Variants in IMMP2L observed in about 807,000 individuals in gnomAD.
IMMP2L encodes mitochondrial inner membrane protease subunit 2.
Under a neutral mutation model 19.3 loss-of-function variants are expected in IMMP2L, and 18 were observed. The observed-to-expected ratio is 0.93, with a 90% CI of 0.64 to 1.38. IMMP2L has a LOEUF of 1.38. Ranked by LOEUF, IMMP2L falls within the 40% of genes most tolerant of loss-of-function variation. The probability of loss-of-function intolerance (pLI) is 0.00; values close to 1 mark genes in which losing one functional copy is unlikely to be tolerated. For missense variants in IMMP2L, 233 were observed against 218.2 expected, an observed-to-expected ratio of 1.07 and a Z score of -0.43; for synonymous variants, 76 against 73.0, an observed-to-expected ratio of 1.04 and a Z score of -0.21.
chr7:111,291,286 C>A (rs1423726958), intron 3 of IMMP2L, among the ~76,000 whole-genome samples: 1 of 152,168 alleles, frequency 6.6e-6, no homozygotes, highest in East Asian at 1.9e-4. Context: ...GCAGCAGCAG[C>A]TCCCATCATC....
Position 110,868,186 on chromosome 7 carries a change from C to T in IMMP2L, c.408+18407G>A, listed in dbSNP as rs553123744. Reference sequence around the variant, plus strand: ...CAGTGATACGGAGAGACAAGCATGACGTATTAGATGAGCAAGACTAACTAA... The same window carrying T: ...CAGTGATACGGAGAGACAAGCATGATGTATTAGATGAGCAAGACTAACTAA... On this transcript the variant is annotated intron_variant, in intron 5 of 5. Coordinates refer to ENST00000405709, the MANE Select transcript of IMMP2L (RefSeq NM_032549.4). Among the ~76,000 whole-genome samples, 8 of 142,444 alleles carry T rather than the reference C, an allele frequency of 5.6e-5. No individual in the cohort carries two copies. The South Asian group carries it at 7.4e-4, about 13-fold the overall frequency. The allele number at this position is 142,444 out of a possible 152,430, so 93.4% of individuals were successfully genotyped here. A position where few individuals can be genotyped will look rare whatever the true frequency, so the allele number is the denominator to read the frequency against.
rs570993820 is a variant in IMMP2L at position 111,488,297 on chromosome 7, T to G, written c.136-956A>C. Among the ~76,000 whole-genome samples the G allele has an allele frequency of 8.5e-5, 13 of 152,290 alleles. No individual in the cohort carries two copies. The South Asian group carries it at 2.5e-3, about 29-fold the overall frequency. On this transcript the variant is annotated intron_variant, in intron 2 of 5. Transcript: ENST00000405709. ...TGGTGCACCCATCACCCGAGCAACG[T>G]ACACTGTACCCAGTGTGTAGGCTTT...
At chr7:111,101,734 G>C (rs536482979) in intron 3 of IMMP2L, among the ~76,000 whole-genome samples, 1 of 151,510 alleles carries the variant, frequency 6.6e-6, no homozygotes, top group East Asian at 1.9e-4. Context: ...TGAGTTAGGG[G>C]TTTGATTTTA....
chr7:110,772,746 C>A (rs181277183), intron 5 of IMMP2L, among the ~76,000 whole-genome samples: 2 of 152,220 alleles, frequency 1.3e-5, no homozygotes, highest in African/African-American at 2.4e-5. Flanking sequence ...TTGACTCCCC[C>A]ACTCAAGTCA....
At chr7:110,967,272 C>A (rs1274934491) in intron 3 of IMMP2L, among the ~76,000 whole-genome samples, 1 of 151,710 alleles carries the variant, frequency 6.6e-6, no homozygotes, top group Non-Finnish European at 1.5e-5. Flanking sequence ...TTTTTATGTT[C>A]CCAAAAAGTT....
chr7:111,348,608 T>C (rs1827820671), intron 3 of IMMP2L, among the ~76,000 whole-genome samples: 1 of 152,130 alleles, frequency 6.6e-6, no homozygotes, highest in Non-Finnish European at 1.5e-5. Context: ...TAGCAAACAG[T>C]TAACATGAGT....
chr7:110,930,026 G>A (rs1168192273), intron 4 of IMMP2L, among the ~76,000 whole-genome samples: 1 of 152,140 alleles, frequency 6.6e-6, no homozygotes, highest in African/African-American at 2.4e-5. Flanking sequence ...CTCAGGAGAA[G>A]TAATCAGTTC....
intron 5 of IMMP2L, among the ~76,000 whole-genome samples, chr7:110,717,678 C>T (rs1157040659): frequency 6.6e-6 from 1 of 152,136 alleles, no homozygotes; most frequent in East Asian, 1.9e-4. Context: ...AAGAAGGAAT[C>T]ACTTATAGTG....
At chr7:111,235,622 CTTT>C (rs892643167) in intron 3 of IMMP2L, among the ~76,000 whole-genome samples, 2 of 151,786 alleles carry the variant, frequency 1.3e-5, no homozygotes, top group African/African-American at 2.4e-5. Flanking sequence ...TTTTGGCCTT[CTTT>C]TAAGATTTTC....
At chr7:111,141,548 C>A (rs922369592) in intron 3 of IMMP2L, among the ~76,000 whole-genome samples, 1 of 151,782 alleles carries the variant, frequency 6.6e-6, no homozygotes, top group Non-Finnish European at 1.5e-5. Flanking sequence ...TATTCCCAAA[C>A]TGTCTATAGA....
chr7:111,083,209 C>T (rs1055148645), intron 3 of IMMP2L, among the ~76,000 whole-genome samples: 4 of 152,138 alleles, frequency 2.6e-5, no homozygotes, highest in African/African-American at 9.7e-5. Flanking sequence ...AATTGTCATT[C>T]ATCTTAAATA....
intron 3 of IMMP2L, among the ~76,000 whole-genome samples, chr7:111,474,175 G>T (rs1359380026): frequency 1.3e-5 from 2 of 152,026 alleles, no homozygotes; most frequent in Non-Finnish European, 2.9e-5. Context: ...CTACTTGAGT[G>T]GGGAGGGAAA....
chr7:111,433,243 C>G (rs532508044), intron 3 of IMMP2L, among the ~76,000 whole-genome samples: 49 of 151,788 alleles, frequency 3.2e-4, no homozygotes, highest in Non-Finnish European at 3.5e-4. Flanking sequence ...ATCACGAGAA[C>G]AGCATGGGGG....
intron 2 of IMMP2L, among the ~76,000 whole-genome samples, chr7:111,494,036 G>A (rs1018678373): frequency 3.9e-5 from 6 of 151,968 alleles, no homozygotes; most frequent in South Asian, 4.2e-4. Context: ...TTTTCAAATC[G>A]ATGAAGTTAA....
chr7:111,463,052 T>G (rs1338220113), intron 3 of IMMP2L, among the ~76,000 whole-genome samples: 1 of 152,142 alleles, frequency 6.6e-6, no homozygotes, highest in African/African-American at 2.4e-5. Context: ...CCAGGAAGGC[T>G]ATGTCCCTCT....
intron 3 of IMMP2L, among the ~76,000 whole-genome samples, chr7:111,163,340 T>C (rs1475779391): frequency 6.6e-6 from 1 of 152,116 alleles, no homozygotes; most frequent in Non-Finnish European, 1.5e-5. Flanking sequence ...CCCTGGCCTC[T>C]AAAAAGTCTC....
At chr7:110,812,940 A>G (rs1235267235) in intron 5 of IMMP2L, among the ~76,000 whole-genome samples, 1 of 152,022 alleles carries the variant, frequency 6.6e-6, no homozygotes, top group Non-Finnish European at 1.5e-5. Flanking sequence ...ATACATTCAC[A>G]CAACTGGCAT....
chr7:110,766,438 A>G lies in IMMP2L; in HGVS notation c.409-102717T>C, dbSNP rs116664212. Reference sequence around the variant, plus strand: ...AAGTCCCGTCTCTACTAAAAAATGCATATATTAGCCGGGCGTGGTGATGCG... The same window carrying G: ...AAGTCCCGTCTCTACTAAAAAATGCGTATATTAGCCGGGCGTGGTGATGCG... On this transcript the variant is annotated intron_variant, in intron 5 of 5. Coordinates refer to ENST00000405709, the MANE Select transcript of IMMP2L (RefSeq NM_032549.4). Among the ~76,000 whole-genome samples, 1,190 of 152,130 alleles carry G rather than the reference A, an allele frequency of 7.8e-3. 14 individuals are homozygous for G. Among genetic ancestry groups the G allele is most frequent in the African/African-American group, 0.027 (1,122 of 41,514 alleles).
At chr7:111,271,042 C>A (rs560290694) in intron 3 of IMMP2L, among the ~76,000 whole-genome samples, 1 of 152,246 alleles carries the variant, frequency 6.6e-6, no homozygotes, top group East Asian at 1.9e-4. Context: ...TCACCACATG[C>A]CATGGGAGGG....
Sources: allele counts gnomAD v4.1 joint callset (sites outside exome capture counted in the v4.1 genomes callset), GRCh38; gene constraint gnomAD v4.1.1; transcripts MANE v1.5; gene names NCBI Gene and HGNC (gene_info 2026-07-23, HGNC 2026-07-21).